SMOC2: variants seen among roughly 807,000 people sequenced by gnomAD.
The protein encoded by SMOC2 is SPARC related modular calcium binding 2.
SMOC2 carries 39 observed loss-of-function variants against 61.4 expected under a neutral mutation model. The observed-to-expected ratio is 0.64, with a 90% CI of 0.49 to 0.83. The LOEUF is 0.83. Ranked by LOEUF, SMOC2 falls within the 40% of genes least tolerant of loss-of-function variation. The probability of loss-of-function intolerance (pLI) is 0.00; values close to 1 mark genes in which losing one functional copy is unlikely to be tolerated. For missense variants in SMOC2, 556 were observed against 592.9 expected, an observed-to-expected ratio of 0.94 and a Z score of 0.65; for synonymous variants, 247 against 239.9, an observed-to-expected ratio of 1.03 and a Z score of -0.27.
rs1350950707 is a variant in SMOC2, at chr6:168,598,712, G to A, written c.638-106G>A. The A allele has an allele frequency of 4.5e-6, 6 of 1,328,700 alleles. No homozygotes were observed. The African/African-American group carries it at 5.8e-5, about 13-fold the overall frequency. 82.3% of individuals were successfully genotyped at this position (1,328,700 alleles called of 1,614,324 possible). A position where few individuals can be genotyped will look rare whatever the true frequency, so the allele number is the denominator to read the frequency against. On this transcript the variant is annotated intron_variant, in intron 7 of 12. Coordinates refer to ENST00000356284, the MANE Select transcript of SMOC2 (RefSeq NM_001166412.2). ...GCAGGCCCTCCTGCTCCGGGGTGAA[G>A]GAGGACCACATCGTTCTTGGCAGTT...
intron 7 of SMOC2, among the ~76,000 whole-genome samples, chr6:168,591,597 T>A (rs528635464): frequency 6.7e-6 from 1 of 149,946 alleles, no homozygotes; most frequent in South Asian, 2.1e-4. Context: ...TAATAAATTA[T>A]ACATATTCTA....
chr6:168,592,263 T>A (rs1785199191), intron 7 of SMOC2, among the ~76,000 whole-genome samples: 1 of 151,342 alleles, frequency 6.6e-6, no homozygotes, highest in South Asian at 2.1e-4. Flanking sequence ...TCCTAAGGCC[T>A]CACGGGCATC....
At chr6:168,571,772 T>TTAAAA (rs1464552458) in intron 7 of SMOC2, among the ~76,000 whole-genome samples, 1 of 152,116 alleles carries the variant, frequency 6.6e-6, no homozygotes. Flanking sequence ...GAGTCCTCAT[T>TTAAAA]TGTTTGTTCA....
intron 11 of SMOC2, among the ~76,000 whole-genome samples, chr6:168,654,244 G>A (rs373986091): frequency 9.8e-3 from 131 of 13,340 alleles, no homozygotes; most frequent in Middle Eastern, 0.071. Context: ...GCTCCAACCA[G>A]ATGTTAGGAA....
intron 4 of SMOC2, among the ~76,000 whole-genome samples, chr6:168,539,961 G>A (rs1257334094): frequency 1.3e-5 from 2 of 152,182 alleles, no homozygotes; most frequent in Non-Finnish European, 2.9e-5. Context: ...TGTATAACGG[G>A]CATGATGGCA....
chr6:168,448,531 G>T (rs1458062185), intron 1 of SMOC2, among the ~76,000 whole-genome samples: 10 of 150,460 alleles, frequency 6.6e-5, no homozygotes, highest in Admixed American at 6.6e-4. Context: ...GGAGGAGGAT[G>T]AGGATGGGGA....
chr6:168,610,971 C>G (rs76854762), intron 9 of SMOC2, among the ~76,000 whole-genome samples: 38,161 of 150,438 alleles, frequency 0.25, 5,027 homozygotes, highest in Non-Finnish European at 0.27. Flanking sequence ...CTTAAACCAG[C>G]CCTTCCTAAA....
chr6:168,530,688 G>T (rs576368193), intron 4 of SMOC2, among the ~76,000 whole-genome samples: 1 of 133,964 alleles, frequency 7.5e-6, no homozygotes, highest in Non-Finnish European at 1.5e-5. Flanking sequence ...ATGAAAAACC[G>T]TGATTCTATG....
intron 1 of SMOC2, among the ~76,000 whole-genome samples, chr6:168,469,692 C>T (rs1217522037): frequency 1.3e-5 from 2 of 152,284 alleles, no homozygotes; most frequent in Middle Eastern, 3.4e-3. Context: ...ACCACATGGC[C>T]AGCAGAGCTG....
At chr6:168,638,525 A>G (rs1323966254) in intron 9 of SMOC2, among the ~76,000 whole-genome samples, 3 of 152,056 alleles carry the variant, frequency 2.0e-5, no homozygotes, top group Non-Finnish European at 4.4e-5. Flanking sequence ...CGGGGTCTGG[A>G]GGGAATGCTT....
chr6:168,495,494 C>A (rs1047978059), intron 1 of SMOC2, among the ~76,000 whole-genome samples: 1 of 152,182 alleles, frequency 6.6e-6, no homozygotes, highest in Non-Finnish European at 1.5e-5. Context: ...AAGTACAGAT[C>A]GTAGATGTGG....
chr6:168,489,464 G>A (rs1782419094), intron 1 of SMOC2, among the ~76,000 whole-genome samples: 1 of 143,366 alleles, frequency 7.0e-6, no homozygotes, highest in Non-Finnish European at 1.5e-5. Flanking sequence ...GAATCGTCTG[G>A]GTCCCCTTGG....
chr6:168,546,114 ACTTTATT>A (rs1465117983), intron 5 of SMOC2, among the ~76,000 whole-genome samples: 2 of 152,102 alleles, frequency 1.3e-5, no homozygotes, highest in African/African-American at 4.8e-5. Context: ...CTTATAAGAA[ACTTTATT>A]CTTTAGACCA....
chr6:168,649,329 C>CGAGCA (rs1403647796), intron 9 of SMOC2, among the ~76,000 whole-genome samples: 1 of 152,126 alleles, frequency 6.6e-6, no homozygotes, highest in African/African-American at 2.4e-5. Context: ...GAGGACGGTC[C>CGAGCA]GAGCAGATGT....
intron 1 of SMOC2, among the ~76,000 whole-genome samples, chr6:168,442,163 A>G (rs1450421086): frequency 6.6e-6 from 1 of 152,250 alleles, no homozygotes; most frequent in African/African-American, 2.4e-5. Flanking sequence ...TTCCCTTCTC[A>G]GGACAGAACT....
At chr6:168,445,264 T>G (rs1165724523) in intron 1 of SMOC2, among the ~76,000 whole-genome samples, 1 of 152,218 alleles carries the variant, frequency 6.6e-6, no homozygotes, top group Non-Finnish European at 1.5e-5. Flanking sequence ...CCTCTCAGAC[T>G]GTAGTTGACT....
intron 9 of SMOC2, among the ~76,000 whole-genome samples, chr6:168,630,409 T>A (rs2342644): frequency 0.9 from 137,604 of 152,256 alleles, 62,259 homozygotes; most frequent in Middle Eastern, 0.99. Flanking sequence ...ATGGACACTT[T>A]TCACTTCCCC....
rs565942904 is a variant in SMOC2 at position 168,535,807 on chromosome 6, G to A, written c.464-7818G>A. 1.3e-5 allele frequency among the ~76,000 whole-genome samples: 2 copies of A among 152,186 alleles called. No homozygotes were observed. The highest frequency in any genetic ancestry group is 1.9e-4 in the East Asian group (1 of 5,194). On this transcript the variant is annotated intron_variant, in intron 4 of 12. Transcript: ENST00000356284. This position sits in a 1 kb window ranked among gnomAD's most constrained non-coding sequence, Gnocchi z 4.6. ...GGGAAGATGGGAGGGAGACCAATGC[G>A]CAGTGACAGTGATCCTGGGGACACG... is the stretch of plus-strand genomic sequence containing the variant.
intron 7 of SMOC2, among the ~76,000 whole-genome samples, chr6:168,556,818 G>A (rs1430155018): frequency 1.5e-5 from 2 of 130,506 alleles, no homozygotes; most frequent in African/African-American, 2.9e-5. Flanking sequence ...GTTCTGTTAG[G>A]TTTTTTTTTT....
Sources: gnomAD v4.1 joint callset for allele counts (sites outside exome capture counted in the v4.1 genomes callset) on GRCh38, gnomAD v4.1.1 for gene constraint, Gnocchi (gnomAD v3.1) non-coding constraint, MANE v1.5 for transcripts, NCBI Gene and HGNC (gene_info 2026-07-23, HGNC 2026-07-21) for gene names.